The following PCDHGB1 variants were observed in gnomAD, a reference collection of about 807,000 sequenced individuals.
PCDHGB1 encodes the protein protocadherin gamma-B1.
In PCDHGB1, 34 loss-of-function variants were observed where a neutral mutation model predicts 56.6. The observed-to-expected ratio is 0.60, with a 90% CI of 0.46 to 0.80. PCDHGB1 has a LOEUF of 0.80. Among genes scored for constraint, PCDHGB1 ranks in the 30% least tolerant of loss-of-function variants. The pLI is 0.00. For missense variants in PCDHGB1, 1,278 were observed against 1,204.6 expected (o/e 1.06, Z -0.90); for synonymous variants, 561 against 505.9 (o/e 1.11, Z -1.46).
At chr5:141,405,024 T>C in intron 1 of PCDHGB1, 1 of 1,613,920 alleles carries the variant, frequency 6.2e-7, no homozygotes, top group Non-Finnish European at 8.5e-7. Flanking sequence ...GACCTTACCC[T>C]CTACCTCGTT....
intron 1 of PCDHGB1, among the ~76,000 whole-genome samples, chr5:141,354,556 A>G (rs376239223): frequency 6.6e-6 from 1 of 152,248 alleles, no homozygotes; most frequent in Non-Finnish European, 1.5e-5. Flanking sequence ...AACTCCTGTG[A>G]GGAAACTTGT....
At chr5:141,359,102 AT>A (rs572394227) in intron 1 of PCDHGB1, among the ~76,000 whole-genome samples, 16 of 152,350 alleles carry the variant, frequency 1.1e-4, no homozygotes, top group African/African-American at 3.6e-4. Flanking sequence ...ATGGTTTTGT[AT>A]TCATAGAAAG....
intron 1 of PCDHGB1, chr5:141,393,124 T>A: frequency 6.2e-7 from 1 of 1,613,430 alleles, no homozygotes; most frequent in Non-Finnish European, 8.5e-7. Flanking sequence ...CGGTGTCTGA[T>A]AAATATTAAC....
intron 1 of PCDHGB1, among the ~76,000 whole-genome samples, chr5:141,379,981 C>A (rs968805615): frequency 1.5e-5 from 2 of 135,234 alleles, no homozygotes; most frequent in East Asian, 5.0e-4. Flanking sequence ...CTCACTGCAA[C>A]TTCCTCCTCC....
At chr5:141,466,754 C>T (rs1045917268) in intron 1 of PCDHGB1, among the ~76,000 whole-genome samples, 1 of 152,138 alleles carries the variant, frequency 6.6e-6, no homozygotes, top group African/African-American at 2.4e-5. Context: ...GATAGGGGCT[C>T]TTTTCAAACT....
rs1464357405 is a variant in PCDHGB1 at position 141,476,385 on chromosome 5, A to G, written c.2410-18422A>G. On this transcript the variant is annotated intron_variant, in intron 1 of 3. Coordinates refer to ENST00000523390, the MANE Select transcript of PCDHGB1 (RefSeq NM_018922.3). The surrounding 1 kb of genome is among the most constrained non-coding windows in gnomAD (Gnocchi z 7.6). ...GAGACCGGAGAGATGTTTGTGAACG[A>G]CCGTCTGGATCGAGAGGAGCTGTGT... The G allele has an allele frequency of 4.3e-6, 7 of 1,614,062 alleles. No homozygotes were observed. The highest frequency in any genetic ancestry group is 5.9e-6 in the Non-Finnish European group (7 of 1,180,020).
chr5:141,489,951 T>C lies in PCDHGB1; in HGVS notation c.2410-4856T>C. On this transcript the variant is annotated intron_variant, in intron 1 of 3. Coordinates refer to ENST00000523390, the MANE Select transcript of PCDHGB1 (RefSeq NM_018922.3). The surrounding 1 kb of genome is among the most constrained non-coding windows in gnomAD (Gnocchi z 4.5). ...CTGTCATCGTGCTGGACATCAATGATAATGCTCCAACCTTCCAATCCTCAG... is the reference window on the plus strand; with the variant it reads ...CTGTCATCGTGCTGGACATCAATGACAATGCTCCAACCTTCCAATCCTCAG... 6.2e-7 allele frequency: 1 copy of C among 1,614,210 alleles called. No homozygotes were observed. Among genetic ancestry groups the C allele is most frequent in the Non-Finnish European group, 8.5e-7 (1 of 1,180,032 alleles).
At chr5:141,386,116 T>G (rs376387323) in intron 1 of PCDHGB1, 1 of 152,146 alleles carries the variant, frequency 6.6e-6, no homozygotes, top group Admixed American at 6.6e-5. Context: ...GCTATCAAAG[T>G]GGGAGATTGG....
At chr5:141,364,767 C>A (rs868142397) in intron 1 of PCDHGB1, 3 of 1,613,760 alleles carry the variant, frequency 1.9e-6, no homozygotes, top group African/African-American at 1.3e-5. Flanking sequence ...AATGAAAATG[C>A]GGCTGCAGGG....
chr5:141,414,556 T>G, intron 1 of PCDHGB1: 2 of 1,613,990 alleles, frequency 1.2e-6, no homozygotes, highest in Non-Finnish European at 1.7e-6. Flanking sequence ...TCAAGTCTCC[T>G]ACTTTACCTA....
intron 1 of PCDHGB1, chr5:141,367,157 T>G (rs2149904329): frequency 6.2e-6 from 1 of 161,546 alleles, no homozygotes; most frequent in East Asian, 1.8e-4. Flanking sequence ...GGACTGATAT[T>G]TTAGTCTACC....
rs1308015959 is a variant in PCDHGB1, at chr5:141,482,105, AT to A, written c.2410-12701del. Among the ~76,000 whole-genome samples, 417 of 143,332 alleles carry A rather than the reference AT, an allele frequency of 2.9e-3. 1 individual carries two copies. The highest frequency in any genetic ancestry group is 0.011 in the African/African-American group (394 of 37,394). 94.0% of individuals were successfully genotyped at this position (143,332 alleles called of 152,430 possible). Reference sequence around the variant, plus strand: ...ACTCCATCTCAAAAAAAAAAAAAAAATATCTAGAGATGGGAGAATCATATGG... The same window carrying A: ...ACTCCATCTCAAAAAAAAAAAAAAAAATCTAGAGATGGGAGAATCATATGG... On this transcript the variant is annotated intron_variant, in intron 1 of 3. Coordinates refer to ENST00000523390, the MANE Select transcript of PCDHGB1 (RefSeq NM_018922.3).
At position 141,437,305 on chromosome 5, in the gene PCDHGB1, G is replaced by A. The variant is rs369317069; in HGVS notation, c.2410-57502G>A. On this transcript the variant is annotated intron_variant, in intron 1 of 3. Transcript: ENST00000523390. ...TATCCATTTCATCTAACAAGTTAAA[G>A]CGTTCAGCTATAATTTAAAATTTGT... 1.8e-4 allele frequency among the ~76,000 whole-genome samples: 28 copies of A among 152,266 alleles called. No homozygotes were observed. In the South Asian group the frequency reaches 4.8e-3, roughly 26 times the overall value.
In PCDHGB1 at chr5:141,432,115, C is replaced by G. The variant is rs753088299; in HGVS notation, c.2410-62692C>G. On this transcript the variant is annotated intron_variant, in intron 1 of 3. Transcript: ENST00000523390. This position sits in a 1 kb window ranked among gnomAD's most constrained non-coding sequence, Gnocchi z 6.0. ...ACACCAACGACAACCCGCCGGTCTT[C>G]CCTCAGGCCTCCTATTCCGCTTATA... The G allele has an allele frequency of 1.2e-5, 20 of 1,614,178 alleles. No individual in the cohort carries two copies. Among genetic ancestry groups the G allele is most frequent in the Non-Finnish European group, 1.6e-5 (19 of 1,180,050 alleles).
chr5:141,491,080 A>T lies in PCDHGB1; in HGVS notation c.2410-3727A>T. On this transcript the variant is annotated intron_variant, in intron 1 of 3. Transcript: ENST00000523390. This position sits in a 1 kb window ranked among gnomAD's most constrained non-coding sequence, Gnocchi z 6.9. ...CTCCTACTCACTGTTGCCACAGTCC[A>T]CAGCCCCAGGACTGTTCCTCGTGTC... The T allele has an allele frequency of 6.2e-7, 1 of 1,614,116 alleles. No individual in the cohort carries two copies. Among genetic ancestry groups the T allele is most frequent in the Non-Finnish European group, 8.5e-7 (1 of 1,179,994 alleles).
intron 1 of PCDHGB1, among the ~76,000 whole-genome samples, chr5:141,363,610 T>C (rs561380927): frequency 6.6e-6 from 1 of 152,382 alleles, no homozygotes; most frequent in Admixed American, 6.5e-5. Context: ...CTGTCTGAGA[T>C]AGTGGAGAGA....
At chr5:141,449,436 A>T (rs1177598228) in intron 1 of PCDHGB1, among the ~76,000 whole-genome samples, 1 of 151,792 alleles carries the variant, frequency 6.6e-6, no homozygotes, top group African/African-American at 2.4e-5. Flanking sequence ...ATAAAACTCC[A>T]TCTCTACTAA....
intron 1 of PCDHGB1, chr5:141,370,202 A>G (rs1766737926): frequency 3.7e-6 from 2 of 546,378 alleles, no homozygotes; most frequent in Non-Finnish European, 6.3e-6. Context: ...GCTGTGCAAA[A>G]TATTGGCTCC....
chr5:141,414,724 G>A (rs1461729604), intron 1 of PCDHGB1: 48 of 1,614,138 alleles, frequency 3.0e-5, no homozygotes, highest in Non-Finnish European at 3.9e-5. Context: ...AGACACTGGC[G>A]TCCTGTATGC....
Sources: allele counts gnomAD v4.1 joint callset (sites outside exome capture counted in the v4.1 genomes callset), GRCh38; gene constraint gnomAD v4.1.1; non-coding constraint Gnocchi (gnomAD v3.1); transcripts MANE v1.5; gene names NCBI Gene and HGNC (gene_info 2026-07-23, HGNC 2026-07-21).